PPM1H: variants seen among roughly 807,000 people sequenced by gnomAD.
The protein encoded by PPM1H is protein phosphatase, Mg2+/Mn2+ dependent 1H.
In PPM1H, 27 loss-of-function variants were observed where a neutral mutation model predicts 54.9. That is an observed-to-expected ratio of 0.49 (90% CI 0.36 to 0.68). The LOEUF (loss-of-function observed/expected upper bound fraction) is 0.68, where lower values mean the gene tolerates loss of function less well. Ranked by LOEUF, PPM1H falls within the 30% of genes least tolerant of loss-of-function variation. PPM1H has a pLI of 0.00. For missense variants in PPM1H, 596 were observed against 667.8 expected (o/e 0.89, Z 1.19); for synonymous variants, 305 against 270.8 (o/e 1.13, Z -1.24).
At chr12:62,874,595 C>T (rs969040473) in intron 1 of PPM1H, among the ~76,000 whole-genome samples, 1 of 151,978 alleles carries the variant, frequency 6.6e-6, no homozygotes, top group African/African-American at 2.4e-5. Context: ...TAAGCTATTA[C>T]CAAGAATTGG....
chr12:62,843,734 T>C (rs576342590), intron 1 of PPM1H, among the ~76,000 whole-genome samples: 1 of 152,310 alleles, frequency 6.6e-6, no homozygotes, highest in South Asian at 2.1e-4. Context: ...TAAAAAGTAC[T>C]TTTTAAAAAA....
chr12:62,801,355 T>C (rs1044521356), intron 3 of PPM1H, among the ~76,000 whole-genome samples: 1 of 152,170 alleles, frequency 6.6e-6, no homozygotes, highest in Non-Finnish European at 1.5e-5. Context: ...TCTCGGTCTG[T>C]TGCTCAGGCT....
At chr12:62,874,877 T>C (rs1411494210) in intron 1 of PPM1H, among the ~76,000 whole-genome samples, 7 of 152,218 alleles carry the variant, frequency 4.6e-5, no homozygotes, top group Non-Finnish European at 7.3e-5. Flanking sequence ...AATACCAAAT[T>C]GTGTAACACT....
At chr12:62,658,104 C>T (rs1290137299) in intron 9 of PPM1H, among the ~76,000 whole-genome samples, 3 of 143,742 alleles carry the variant, frequency 2.1e-5, no homozygotes, top group Admixed American at 6.9e-5. Flanking sequence ...TGATGGCTCA[C>T]ACCTGCAATC....
intron 2 of PPM1H, among the ~76,000 whole-genome samples, chr12:62,815,187 C>T (rs1427125129): frequency 6.6e-6 from 1 of 151,098 alleles, no homozygotes; most frequent in African/African-American, 2.4e-5. Context: ...TACCATACCT[C>T]TTTTTTTTTG....
chr12:62,782,735 A>T (rs1418134959), intron 4 of PPM1H, among the ~76,000 whole-genome samples: 1 of 152,264 alleles, frequency 6.6e-6, no homozygotes, highest in Non-Finnish European at 1.5e-5. Context: ...ACAAAATGGA[A>T]GTCTGAATTT....
intron 2 of PPM1H, among the ~76,000 whole-genome samples, chr12:62,823,674 A>G (rs530065167): frequency 6.6e-6 from 1 of 152,352 alleles, no homozygotes; most frequent in Admixed American, 6.5e-5. Flanking sequence ...TAGATGCAGA[A>G]AAGGCCTTTG....
chr12:62,663,963 G>C (rs1430802097), intron 9 of PPM1H, among the ~76,000 whole-genome samples: 1 of 148,700 alleles, frequency 6.7e-6, no homozygotes, highest in East Asian at 2.0e-4. Context: ...TTGCACTCCA[G>C]CCTGGGCAAC....
intron 2 of PPM1H, among the ~76,000 whole-genome samples, chr12:62,811,078 T>C (rs1001427481): frequency 6.6e-6 from 1 of 152,128 alleles, no homozygotes; most frequent in Non-Finnish European, 1.5e-5. Flanking sequence ...GGATAACATG[T>C]ATTAAATGTG....
At chr12:62,928,863 A>G (rs1023845782) in intron 1 of PPM1H, among the ~76,000 whole-genome samples, 2 of 152,184 alleles carry the variant, frequency 1.3e-5, no homozygotes, top group African/African-American at 4.8e-5. Flanking sequence ...CCAGCTGTCA[A>G]CGTGGTATTG....
intron 4 of PPM1H, among the ~76,000 whole-genome samples, chr12:62,751,155 T>C (rs1414867018): frequency 6.6e-6 from 1 of 152,230 alleles, no homozygotes; most frequent in Non-Finnish European, 1.5e-5. Context: ...AATGGCTCAC[T>C]ATTTGTGTGC....
intron 1 of PPM1H, among the ~76,000 whole-genome samples, chr12:62,836,787 C>G (rs984526792): frequency 6.6e-6 from 1 of 152,172 alleles, no homozygotes; most frequent in African/African-American, 2.4e-5. Flanking sequence ...CCAGTTTATT[C>G]AACTCTTAGA....
intron 1 of PPM1H, chr12:62,840,050 A>G (rs1868674473): frequency 7.2e-6 from 1 of 138,104 alleles, no homozygotes; most frequent in Admixed American, 7.0e-5. Context: ...CTCTAGAGAG[A>G]CAGAGAGAGA....
intron 1 of PPM1H, among the ~76,000 whole-genome samples, chr12:62,887,299 C>T (rs2121067083): frequency 6.6e-6 from 1 of 152,314 alleles, no homozygotes; most frequent in South Asian, 2.1e-4. Flanking sequence ...TGAAACAAAT[C>T]TTTCTTAAAC....
intron 8 of PPM1H, among the ~76,000 whole-genome samples, chr12:62,676,268 C>T (rs759989582): frequency 6.6e-6 from 1 of 152,214 alleles, no homozygotes; most frequent in Non-Finnish European, 1.5e-5. Context: ...AAAGCAAGTT[C>T]CTGCAGCACA....
chr12:62,803,156 C>A (rs564424408), intron 2 of PPM1H, among the ~76,000 whole-genome samples: 1 of 152,178 alleles, frequency 6.6e-6, no homozygotes, highest in African/African-American at 2.4e-5. Flanking sequence ...TCCCACCTCC[C>A]TTAGTTCTCC....
intron 1 of PPM1H, among the ~76,000 whole-genome samples, chr12:62,908,338 T>C (rs1036913234): frequency 7.2e-6 from 1 of 139,140 alleles, no homozygotes; most frequent in Non-Finnish European, 1.5e-5. Context: ...ACCCTGGAGA[T>C]GGAGGTTGCA....
chr12:62,900,444 G>A (rs1235126959), intron 1 of PPM1H, among the ~76,000 whole-genome samples: 1 of 151,856 alleles, frequency 6.6e-6, no homozygotes, highest in African/African-American at 2.4e-5. Flanking sequence ...TAAATGATGA[G>A]TTAATGGGTG....
At chr12:62,903,964 A>G (rs1555204928) in intron 1 of PPM1H, among the ~76,000 whole-genome samples, 1 of 152,158 alleles carries the variant, frequency 6.6e-6, no homozygotes, top group Non-Finnish European at 1.5e-5. Flanking sequence ...TTTTAGAGTC[A>G]CCCTGTAATA....
Sources: gnomAD v4.1 joint callset for allele counts (sites outside exome capture counted in the v4.1 genomes callset) on GRCh38, gnomAD v4.1.1 for gene constraint, MANE v1.5 for transcripts, NCBI Gene and HGNC (gene_info 2026-07-23, HGNC 2026-07-21) for gene names.